XRRA1: variants seen among roughly 807,000 people sequenced by gnomAD.
XRRA1 encodes the protein X-ray radiation resistance associated 1, also known as X-ray radiation resistance-associated protein 1.
Under a neutral mutation model 80.2 loss-of-function variants are expected in XRRA1, and 69 were observed. That is an observed-to-expected ratio of 0.86 (90% CI 0.71 to 1.05). XRRA1 has a LOEUF of 1.05. Ranked by LOEUF, XRRA1 falls within the 50% of genes least tolerant of loss-of-function variation. XRRA1 has a pLI of 0.00. For missense variants in XRRA1, 967 were observed against 976.4 expected, an observed-to-expected ratio of 0.99 and a Z score of 0.13; for synonymous variants, 348 against 389.9, an observed-to-expected ratio of 0.89 and a Z score of 1.27.
intron 10 of XRRA1, among the ~76,000 whole-genome samples, chr11:74,873,866 G>A (rs546503096): frequency 6.6e-6 from 1 of 152,216 alleles, no homozygotes; most frequent in South Asian, 2.1e-4. Flanking sequence ...AAGCAACTAA[G>A]AGGATTTGGG....
At chr11:74,850,960 C>T in intron 14 of XRRA1, 128 bp downstream of exon 14, 1 of 564,680 alleles carries the variant, frequency 1.8e-6, no homozygotes, top group South Asian at 2.6e-5. Flanking sequence ...AAGGAGAAGG[C>T]AATGCTGAAC....
intron 11 of XRRA1, among the ~76,000 whole-genome samples, chr11:74,859,499 A>AT (rs2041878082): frequency 6.6e-6 from 1 of 152,108 alleles, no homozygotes. Context: ...TGATGAGCTA[A>AT]TTCTCAAGCA....
intron 10 of XRRA1, 147 bp downstream of exon 10, chr11:74,906,092 C>T (rs2054518642): frequency 1.4e-6 from 1 of 725,742 alleles, no homozygotes; most frequent in Non-Finnish European, 2.2e-6. Context: ...ACACATCTCC[C>T]AAACATAGAT....
At chr11:74,914,654 G>A (rs1386307029) in intron 8 of XRRA1, among the ~76,000 whole-genome samples, 1 of 150,968 alleles carries the variant, frequency 6.6e-6, no homozygotes, top group Non-Finnish European at 1.5e-5. Flanking sequence ...CCTTTTCTCG[G>A]TACCCATAGC....
chr11:74,889,423 C>A (rs1345312511), intron 10 of XRRA1, among the ~76,000 whole-genome samples: 1 of 152,212 alleles, frequency 6.6e-6, no homozygotes, highest in Non-Finnish European at 1.5e-5. Flanking sequence ...TGGAAAGGAA[C>A]AACCAGTACC....
In XRRA1 at chr11:74,846,919, AT is replaced by A. The variant is rs750070156; in HGVS notation, c.1728+1195del. 1.3e-3 allele frequency among the ~76,000 whole-genome samples: 189 copies of A among 140,216 alleles called. 1 individual carries two copies. Among genetic ancestry groups the A allele is most frequent in the East Asian group, 4.8e-3 (23 of 4,812 alleles). The allele number at this position is 140,216 out of a possible 152,430, so 92.0% of individuals were successfully genotyped here. A position where few individuals can be genotyped will look rare whatever the true frequency, so the allele number is the denominator to read the frequency against. On this transcript the variant is annotated intron_variant, in intron 15 of 18. Transcript: ENST00000684022. ...GGACAATTAGGCCAGAAAAAAAAAG[AT>A]TTTTTTTTTTTTTTCTGAAAACATG...
chr11:74,857,805 A>T (rs2041464244), intron 12 of XRRA1, among the ~76,000 whole-genome samples: 1 of 152,234 alleles, frequency 6.6e-6, no homozygotes, highest in Non-Finnish European at 1.5e-5. Flanking sequence ...TAAATACAAG[A>T]CACCTAGAAG....
chr11:74,876,834 A>G (rs972160870), intron 10 of XRRA1: 1 of 152,248 alleles, frequency 6.6e-6, no homozygotes, highest in Non-Finnish European at 1.5e-5. Context: ...CTACCTTATC[A>G]GATACTTTCA....
At chr11:74,890,766 T>C (rs2050457186) in intron 10 of XRRA1, among the ~76,000 whole-genome samples, 1 of 152,228 alleles carries the variant, frequency 6.6e-6, no homozygotes, top group South Asian at 2.1e-4. Context: ...CAGAGAATAC[T>C]ATAAACACCT....
Position 74,906,292 on chromosome 11 carries a change from T to C in XRRA1, c.950A>G (p.Asp317Gly), listed in dbSNP as rs761495841. 1.9e-6 allele frequency: 3 copies of C among 1,614,008 alleles called. No homozygotes were observed. The highest frequency in any genetic ancestry group is 3.3e-5 in the Admixed American group (2 of 60,030). ...CAGTACAGTATAATCCAGTTGCTCATCTGAGTCCTCAAGCATCCTTGGCTT... is the reference window on the plus strand; with the variant it reads ...CAGTACAGTATAATCCAGTTGCTCACCTGAGTCCTCAAGCATCCTTGGCTT... The part of the protein sequence containing the change: ...QSKPRMLEDS[D>G]EQLDYTVLPM... Residue 317 changes from aspartate to glycine, a missense_variant, in exon 10 of 19, where the codon GAT becomes GGT. By Grantham distance (94) the Asp-to-Gly change is moderately conservative. Transcript: ENST00000684022.
intron 8 of XRRA1, chr11:74,913,494 T>C (rs2056332829): frequency 6.6e-6 from 1 of 152,184 alleles, no homozygotes; most frequent in Admixed American, 6.5e-5. Flanking sequence ...TGGAATCTTT[T>C]TACTGGAGCA....
At chr11:74,871,761 T>C (rs891872899) in intron 10 of XRRA1, among the ~76,000 whole-genome samples, 1 of 152,158 alleles carries the variant, frequency 6.6e-6, no homozygotes, top group Non-Finnish European at 1.5e-5. Context: ...GGGTTCAAGT[T>C]CCTGTCTCAT....
intron 10 of XRRA1, among the ~76,000 whole-genome samples, chr11:74,893,860 C>T (rs2051488321): frequency 6.6e-6 from 1 of 152,156 alleles, no homozygotes; most frequent in East Asian, 1.9e-4. Context: ...AACTTAAAAA[C>T]AGAATTACTA....
chr11:74,892,427 T>C (rs2051016044), intron 10 of XRRA1, among the ~76,000 whole-genome samples: 1 of 152,134 alleles, frequency 6.6e-6, no homozygotes, highest in East Asian at 1.9e-4. Flanking sequence ...AAGACTTAAA[T>C]GTTAGACCTA....
chr11:74,904,686 C>G (rs944647048), intron 10 of XRRA1, among the ~76,000 whole-genome samples: 1 of 151,938 alleles, frequency 6.6e-6, no homozygotes, highest in Admixed American at 6.6e-5. Context: ...AAAAAAGACT[C>G]ATTAAGAATC....
At chr11:74,914,874 G>C (rs1204369626) in intron 8 of XRRA1, among the ~76,000 whole-genome samples, 4 of 152,050 alleles carry the variant, frequency 2.6e-5, no homozygotes, top group Admixed American at 6.6e-5. Flanking sequence ...TTTGAAATCA[G>C]GCTCCAGCAA....
In XRRA1 at chr11:74,844,491, AT is replaced by A. The variant is rs77888633; in HGVS notation, c.1928-209del. Among the ~76,000 whole-genome samples, 21 of 152,312 alleles carry A rather than the reference AT, an allele frequency of 1.4e-4. No homozygotes were observed. In the East Asian group the frequency reaches 4.1e-3, roughly 29 times the overall value. On this transcript the variant is annotated intron_variant, in intron 16 of 18. Transcript: ENST00000684022. ...CTTCAGTGAGTATTTGTCCCATATT[AT>A]AATGGAAAAATAGCACAGATTGTAA...
At chr11:74,851,320 CTAGGAGGTAGGTCGAGAAT>C (rs1192497412) in intron 13 of XRRA1, 117 bp from the exon 14 acceptor site, 5 of 699,840 alleles carry the variant, frequency 7.1e-6, no homozygotes, top group African/African-American at 5.5e-5. Flanking sequence ...ATTCTCAACC[CTAGGAGGTAGGTCGAGAAT>C]TCCTACCTCC....
intron 7 of XRRA1, among the ~76,000 whole-genome samples, chr11:74,922,281 CAAAAG>C (rs981585494): frequency 8.4e-6 from 1 of 119,584 alleles, no homozygotes; most frequent in African/African-American, 2.9e-5. Flanking sequence ...AAAAAAAAGA[CAAAAG>C]AAATAAACTG....
Sources: gnomAD v4.1 joint callset for allele counts (sites outside exome capture counted in the v4.1 genomes callset) on GRCh38, gnomAD v4.1.1 for gene constraint, MANE v1.5 for transcripts, NCBI Gene and HGNC (gene_info 2026-07-23, HGNC 2026-07-21) for gene names.